The following RXRA variants were observed in gnomAD, a reference collection of about 807,000 sequenced individuals.
The protein encoded by RXRA is retinoid X receptor alpha.
RXRA carries 5 observed loss-of-function variants against 44.5 expected under a neutral mutation model. The ratio of observed to expected loss-of-function variants is 0.11; its 90% CI spans 0.06 to 0.24. The LOEUF (loss-of-function observed/expected upper bound fraction) is 0.24. Among genes scored for constraint, RXRA ranks in the 10% least tolerant of loss-of-function variants. The pLI, the probability that RXRA is intolerant of heterozygous loss-of-function variation, is 1.00. For synonymous variants in RXRA, 291 were observed against 271.4 expected, an observed-to-expected ratio of 1.07 and a Z score of -0.71; for missense variants, 412 against 646.5, an observed-to-expected ratio of 0.64 and a Z score of 3.93.
chr9:134,392,501 C>T lies in RXRA; in HGVS notation c.29-9131C>T, dbSNP rs543549960. 1.0e-3 allele frequency among the ~76,000 whole-genome samples: 152 copies of T among 152,294 alleles called. 1 individual carries two copies. The highest frequency in any genetic ancestry group is 3.4e-3 in the Middle Eastern group (1 of 294). ...AGCTCCTTTTTGGGAACCAGTGGAG[C>T]GAGCGTGGCTGGACAGGCCTGGCCC... is the stretch of plus-strand genomic sequence containing the variant. On this transcript the variant is annotated intron_variant, in intron 1 of 9. Coordinates refer to ENST00000481739, the MANE Select transcript of RXRA (RefSeq NM_002957.6).
At position 134,433,705 on chromosome 9, in the gene RXRA, C is replaced by G. The variant is rs1046968779; in HGVS notation, c.1136-397C>G. Among the ~76,000 whole-genome samples the G allele has an allele frequency of 2.0e-5, 3 of 152,266 alleles. No individual in the cohort carries two copies. Among genetic ancestry groups the G allele is most frequent in the African/African-American group, 7.2e-5 (3 of 41,534 alleles). Reference sequence around the variant, plus strand: ...TGGGGGCAGCAGCGCTATCTCCCATCCATGTTATGGGGCTGGGACCCAAGG... The same window carrying G: ...TGGGGGCAGCAGCGCTATCTCCCATGCATGTTATGGGGCTGGGACCCAAGG... On this transcript the variant is annotated intron_variant, in intron 8 of 9. Transcript: ENST00000481739. The surrounding 1 kb of genome is among the most constrained non-coding windows in gnomAD (Gnocchi z 4.2).
intron 1 of RXRA, among the ~76,000 whole-genome samples, chr9:134,398,930 C>T: frequency 6.6e-6 from 1 of 152,260 alleles, no homozygotes; most frequent in East Asian, 1.9e-4. Context: ...GTGGAGATGG[C>T]TGCAAAGCCA....
At chr9:134,428,116 A>T (rs1564297492) in intron 6 of RXRA, among the ~76,000 whole-genome samples, 1 of 152,136 alleles carries the variant, frequency 6.6e-6, no homozygotes. Context: ...GCTCTGCTTC[A>T]TCTGCACTGG....
chr9:134,353,602 C>T (rs1830248192), intron 1 of RXRA, among the ~76,000 whole-genome samples: 1 of 152,246 alleles, frequency 6.6e-6, no homozygotes, highest in African/African-American at 2.4e-5. Flanking sequence ...TCCAACACTG[C>T]TTCTCCCCAC....
At position 134,365,457 on chromosome 9, in the gene RXRA, G is replaced by A. The variant is rs375809446; in HGVS notation, c.29-36175G>A. Among the ~76,000 whole-genome samples the A allele has an allele frequency of 2.3e-3, 343 of 152,284 alleles. 1 individual carries two copies. Among genetic ancestry groups the A allele is most frequent in the African/African-American group, 7.9e-3 (328 of 41,552 alleles). ...GGTGTGAGACCCGGTGTTCTTGGCTGATGTGTGGGTTTGCTCATGGGGTGG... is the reference window on the plus strand; with the variant it reads ...GGTGTGAGACCCGGTGTTCTTGGCTAATGTGTGGGTTTGCTCATGGGGTGG... On this transcript the variant is annotated intron_variant, in intron 1 of 9. Transcript: ENST00000481739. The surrounding 1 kb of genome is among the most constrained non-coding windows in gnomAD (Gnocchi z 4.0).
At chr9:134,398,596 G>A (rs1432372350) in intron 1 of RXRA, among the ~76,000 whole-genome samples, 1 of 152,134 alleles carries the variant, frequency 6.6e-6, no homozygotes, top group Admixed American at 6.5e-5. Context: ...AAATAATTCA[G>A]CTCCTGAGGT....
In RXRA at chr9:134,410,362, G is replaced by A. The variant is rs34741022; in HGVS notation, c.610+1243G>A. On this transcript the variant is annotated intron_variant, in intron 4 of 9. Coordinates refer to ENST00000481739, the MANE Select transcript of RXRA (RefSeq NM_002957.6). The stretch of plus-strand genomic sequence containing the variant: ...CCTGTGCTGTGCAGGTTGGGAAACC[G>A]AGGGCAGACGGTTCAAGCCTTGCGC... Among the ~76,000 whole-genome samples, 271 of 152,352 alleles carry A rather than the reference G, an allele frequency of 1.8e-3. 1 individual carries two copies. The highest frequency in any genetic ancestry group is 3.2e-3 in the Non-Finnish European group (219 of 68,028).
intron 1 of RXRA, among the ~76,000 whole-genome samples, chr9:134,329,727 G>T (rs1204930890): frequency 2.6e-5 from 4 of 152,206 alleles, no homozygotes; most frequent in Non-Finnish European, 2.9e-5. Flanking sequence ...CAGGGCCTGT[G>T]GGGGGCTCAC....
chr9:134,350,540 C>T (rs1830208700), intron 1 of RXRA, among the ~76,000 whole-genome samples: 1 of 152,228 alleles, frequency 6.6e-6, no homozygotes, highest in African/African-American at 2.4e-5. Flanking sequence ...CCTTCGGGCA[C>T]AGCAGGCCCC....
chr9:134,348,960 C>G (rs1008370261), intron 1 of RXRA, among the ~76,000 whole-genome samples: 6 of 152,228 alleles, frequency 3.9e-5, no homozygotes, highest in Admixed American at 3.9e-4. Flanking sequence ...CCAACCGTGG[C>G]GTTGCGCCAG....
At chr9:134,379,880 C>T (rs1001988794) in intron 1 of RXRA, 4 of 985,210 alleles carry the variant, frequency 4.1e-6, no homozygotes, top group Non-Finnish European at 3.6e-6. Flanking sequence ...CGGCTCCAGC[C>T]CCCTCTCCAG....
intron 1 of RXRA, among the ~76,000 whole-genome samples, chr9:134,381,287 A>T (rs62573103): frequency 6.6e-6 from 1 of 152,140 alleles, no homozygotes; most frequent in Non-Finnish European, 1.5e-5. Flanking sequence ...CCAGGGATGC[A>T]GCTGGCCTCA....
At chr9:134,420,178 C>T (rs1588301670) in intron 5 of RXRA, among the ~76,000 whole-genome samples, 1 of 152,232 alleles carries the variant, frequency 6.6e-6, no homozygotes, top group South Asian at 2.1e-4. Flanking sequence ...ATCCCCCCGC[C>T]CCTGCCAGGC....
intron 1 of RXRA, among the ~76,000 whole-genome samples, chr9:134,382,212 G>A (rs533160732): frequency 4.6e-5 from 7 of 152,198 alleles, no homozygotes; most frequent in Non-Finnish European, 8.8e-5. Context: ...CTGCCTCCCC[G>A]CCTGCTGCTG....
intron 1 of RXRA, chr9:134,379,833 G>C: frequency 1.8e-5 from 18 of 985,376 alleles, no homozygotes; most frequent in Non-Finnish European, 1.9e-5. Flanking sequence ...CTGGGGCCTT[G>C]TGTGGGAGGG....
At chr9:134,383,856 G>A (rs1381773846) in intron 1 of RXRA, among the ~76,000 whole-genome samples, 1 of 152,198 alleles carries the variant, frequency 6.6e-6, no homozygotes, top group Non-Finnish European at 1.5e-5. Flanking sequence ...TGAACCCGAT[G>A]TGCAGGGAGC....
intron 6 of RXRA, chr9:134,424,871 A>C: frequency 1.0e-6 from 1 of 985,390 alleles, no homozygotes; most frequent in Non-Finnish European, 1.2e-6. Flanking sequence ...TTCTGGCAGG[A>C]GGCAGTGGCA....
At chr9:134,363,831 C>T (rs1035924550) in intron 1 of RXRA, among the ~76,000 whole-genome samples, 2 of 152,210 alleles carry the variant, frequency 1.3e-5, no homozygotes, top group Admixed American at 1.3e-4. Context: ...GGAGGCGTGA[C>T]GTGGGTCTCC....
rs117577077 is a variant in RXRA, at chr9:134,370,633, C to T, written c.29-30999C>T. On this transcript the variant is annotated intron_variant, in intron 1 of 9. Transcript: ENST00000481739. ...AGAGTGCTGCCTGCTATGTGACCTCCCTGGTCGTCCTTCCTCGCCACCTGC... is the reference window on the plus strand; with the variant it reads ...AGAGTGCTGCCTGCTATGTGACCTCTCTGGTCGTCCTTCCTCGCCACCTGC... 9.0e-3 allele frequency among the ~76,000 whole-genome samples: 1,372 copies of T among 152,358 alleles called. 9 individuals carry two copies. The highest frequency in any genetic ancestry group is 0.015 in the Non-Finnish European group (1,010 of 68,026).
Sources: gnomAD v4.1 joint callset for allele counts (sites outside exome capture counted in the v4.1 genomes callset) on GRCh38, gnomAD v4.1.1 for gene constraint, Gnocchi (gnomAD v3.1) non-coding constraint, MANE v1.5 for transcripts, NCBI Gene and HGNC (gene_info 2026-07-23, HGNC 2026-07-21) for gene names.